ARHGAP24: variants seen among roughly 807,000 people sequenced by gnomAD.
ARHGAP24 encodes the protein Rho GTPase activating protein 24, also known as rho GTPase-activating protein 24.
ARHGAP24 carries 50 observed loss-of-function variants against 76.4 expected under a neutral mutation model. That is an observed-to-expected ratio of 0.65 (90% CI 0.52 to 0.83). The LOEUF is 0.83. Among genes scored for constraint, ARHGAP24 ranks in the 40% least tolerant of loss-of-function variants. ARHGAP24 has a pLI of 0.00. For missense variants in ARHGAP24, 930 were observed against 914.2 expected (o/e 1.02, Z -0.22); for synonymous variants, 345 against 323.3 (o/e 1.07, Z -0.72).
At chr4:85,876,708 T>C (rs2601841) in intron 3 of ARHGAP24, among the ~76,000 whole-genome samples, 133,526 of 152,220 alleles carry the variant, frequency 0.88, 58,644 homozygotes, top group East Asian at 0.99. Context: ...CCCATTGGCT[T>C]TTAGCCTCTC....
intron 5 of ARHGAP24, among the ~76,000 whole-genome samples, chr4:85,962,576 G>A (rs567250714): frequency 2.6e-4 from 39 of 152,136 alleles, no homozygotes; most frequent in Non-Finnish European, 4.7e-4. Flanking sequence ...CTTACAGTGA[G>A]TAGGTTATAT....
intron 9 of ARHGAP24, among the ~76,000 whole-genome samples, chr4:85,996,294 G>A (rs1448117586): frequency 2.0e-5 from 3 of 152,174 alleles, no homozygotes; most frequent in African/African-American, 7.2e-5. Flanking sequence ...CGTGAAGTAT[G>A]TTCACATGAA....
At chr4:85,990,528 G>A (rs963674636) in intron 8 of ARHGAP24, 3 of 151,354 alleles carry the variant, frequency 2.0e-5, no homozygotes, top group African/African-American at 4.9e-5. Context: ...TTGATTTCAA[G>A]ACTTAGTATA....
intron 2 of ARHGAP24, among the ~76,000 whole-genome samples, chr4:85,619,172 C>T (rs570219462): frequency 3.3e-5 from 5 of 151,976 alleles, no homozygotes; most frequent in East Asian, 3.9e-4. Flanking sequence ...TAATTAAATT[C>T]CTCTGCTTTC....
chr4:85,665,141 G>T (rs1722562649), intron 2 of ARHGAP24, among the ~76,000 whole-genome samples: 1 of 152,022 alleles, frequency 6.6e-6, no homozygotes, highest in African/African-American at 2.4e-5. Flanking sequence ...ATTATTGTGT[G>T]GGAGTCTAAG....
intron 1 of ARHGAP24, among the ~76,000 whole-genome samples, chr4:85,491,949 T>C (rs754736091): frequency 1.3e-5 from 2 of 152,220 alleles, no homozygotes; most frequent in Non-Finnish European, 2.9e-5. Flanking sequence ...CCCTTCCTCT[T>C]TGAAGTTAAA....
intron 1 of ARHGAP24, among the ~76,000 whole-genome samples, chr4:85,501,235 C>T (rs967605719): frequency 1.3e-5 from 2 of 152,126 alleles, no homozygotes; most frequent in African/African-American, 4.8e-5. Flanking sequence ...TTTGGGTATA[C>T]ACCTGGTAAT....
At chr4:85,940,712 C>T (rs910431958) in intron 4 of ARHGAP24, among the ~76,000 whole-genome samples, 5 of 152,124 alleles carry the variant, frequency 3.3e-5, no homozygotes, top group African/African-American at 1.2e-4. Context: ...TTAGAAAACA[C>T]TATTTCTAAT....
chr4:85,629,491 T>C (rs1721089708), intron 2 of ARHGAP24, among the ~76,000 whole-genome samples: 1 of 152,178 alleles, frequency 6.6e-6, no homozygotes, highest in Admixed American at 6.5e-5. Flanking sequence ...CATCATTTTG[T>C]TTCAACTTGA....
At chr4:85,981,233 A>ACT (rs1739647572) in intron 8 of ARHGAP24, among the ~76,000 whole-genome samples, 1 of 152,182 alleles carries the variant, frequency 6.6e-6, no homozygotes, top group Non-Finnish European at 1.5e-5. Context: ...TTCAGACTAG[A>ACT]GCATTTAGCA....
chr4:85,599,124 G>A (rs1481108422), intron 2 of ARHGAP24, among the ~76,000 whole-genome samples: 1 of 152,092 alleles, frequency 6.6e-6, no homozygotes, highest in Non-Finnish European at 1.5e-5. Flanking sequence ...AACAACACAA[G>A]TCTAAATGGT....
chr4:85,578,916 T>C (rs1254526237), intron 2 of ARHGAP24, among the ~76,000 whole-genome samples: 1 of 152,220 alleles, frequency 6.6e-6, no homozygotes, highest in Non-Finnish European at 1.5e-5. Flanking sequence ...TTGGTCATGC[T>C]AACTTCAGAG....
intron 2 of ARHGAP24, among the ~76,000 whole-genome samples, chr4:85,686,948 A>G (rs1436331964): frequency 6.6e-6 from 1 of 152,142 alleles, no homozygotes; most frequent in Admixed American, 6.6e-5. Flanking sequence ...TGCCCAATGT[A>G]GTAATCTTAC....
chr4:85,500,881 C>CA (rs1167707028), intron 1 of ARHGAP24, among the ~76,000 whole-genome samples: 3 of 151,784 alleles, frequency 2.0e-5, no homozygotes, highest in East Asian at 1.9e-4. Flanking sequence ...CCCACCCCCC[C>CA]ACCAACAGGC....
intron 3 of ARHGAP24, among the ~76,000 whole-genome samples, chr4:85,834,474 G>A (rs747471379): frequency 1.3e-5 from 2 of 152,030 alleles, no homozygotes; most frequent in African/African-American, 4.8e-5. Context: ...CACCCATCTC[G>A]CCACTTGCCC....
chr4:85,893,695 C>A, intron 3 of ARHGAP24, among the ~76,000 whole-genome samples: 1 of 141,996 alleles, frequency 7.0e-6, no homozygotes. Context: ...GGCCCCCACT[C>A]TCTTCTGGCT....
intron 1 of ARHGAP24, among the ~76,000 whole-genome samples, chr4:85,504,877 T>G (rs571338143): frequency 2.0e-5 from 3 of 152,322 alleles, no homozygotes; most frequent in African/African-American, 7.2e-5. Context: ...CTTTCCATGT[T>G]TAGTGCTTCT....
At chr4:85,721,281 A>G (rs1336932218) in intron 2 of ARHGAP24, among the ~76,000 whole-genome samples, 1 of 152,112 alleles carries the variant, frequency 6.6e-6, no homozygotes, top group Non-Finnish European at 1.5e-5. Context: ...CTGTAATCCC[A>G]GCTACTCAGG....
intron 2 of ARHGAP24, among the ~76,000 whole-genome samples, chr4:85,680,078 T>C (rs1723145481): frequency 6.6e-6 from 1 of 152,146 alleles, no homozygotes; most frequent in African/African-American, 2.4e-5. Context: ...CATGAGACAG[T>C]AAGGAAGCCC....
Sources: allele counts gnomAD v4.1 joint callset (sites outside exome capture counted in the v4.1 genomes callset), GRCh38; gene constraint gnomAD v4.1.1; transcripts MANE v1.5; gene names NCBI Gene and HGNC (gene_info 2026-07-23, HGNC 2026-07-21).